The following LRRC18 variants were observed in gnomAD, a reference collection of about 807,000 sequenced individuals.
The protein encoded by LRRC18 is leucine-rich repeat-containing protein 18.
Under a neutral mutation model 11.2 loss-of-function variants are expected in LRRC18, and 12 were observed. The ratio of observed to expected loss-of-function variants is 1.07; its 90% CI spans 0.69 to 1.74. LRRC18 has a LOEUF of 1.74. LRRC18 is among the 40% of genes most tolerant of loss of function. The probability of loss-of-function intolerance (pLI) is 0.00; values close to 1 mark genes in which losing one functional copy is unlikely to be tolerated. For synonymous variants in LRRC18, 155 were observed against 130.6 expected (o/e 1.19, Z -1.27); for missense variants, 374 against 330.5 (o/e 1.13, Z -1.02).
At chr10:48,930,113 T>A in the LRRC18 span, among the ~76,000 whole-genome samples, 1 of 152,078 alleles carries the variant, frequency 6.6e-6, no homozygotes, top group East Asian at 1.9e-4. Flanking sequence ...TCAATACTAG[T>A]TTAATAGATA....
the LRRC18 span, among the ~76,000 whole-genome samples, chr10:48,935,542 T>C: frequency 6.6e-6 from 1 of 152,368 alleles, no homozygotes; most frequent in African/African-American, 2.4e-5. Context: ...TTTAATAGCA[T>C]TCATGAAACA....
At chr10:48,932,621 G>C in the LRRC18 span, 1 of 148,918 alleles carries the variant, frequency 6.7e-6, no homozygotes, top group Non-Finnish European at 1.5e-5. Flanking sequence ...TTCTCGTGAA[G>C]CTACCATGTC....
intron 1 of LRRC18, 74 bp downstream of exon 3, chr10:48,913,318 C>T: frequency 6.9e-7 from 1 of 1,439,630 alleles, no homozygotes; most frequent in Middle Eastern, 2.0e-4. Flanking sequence ...CCTTGGTTTC[C>T]TGTGGAGGTA....
exon 2 of LRRC18, chr10:48,910,015 C>T: frequency 2.4e-5 from 13 of 531,022 alleles, no homozygotes; most frequent in South Asian, 6.0e-5. Flanking sequence ...TTTTAAAAAC[C>T]ACATCAAATA....
At chr10:48,913,723 C>T in exon 1 of LRRC18, 1 of 1,613,056 alleles carries the variant, frequency 6.2e-7, no homozygotes, top group Non-Finnish European at 8.5e-7. Flanking sequence ...TCGTGGAGCT[C>T]CTTCAGGGCC....
upstream of LRRC18, among the ~76,000 whole-genome samples, chr10:48,919,144 G>A (rs548911836): frequency 1.6e-4 from 25 of 151,822 alleles, no homozygotes; most frequent in African/African-American, 6.0e-4. Flanking sequence ...TCTTTGAAAA[G>A]ATTAATGAAA....
At chr10:48,916,631 G>A (rs1467192150), upstream of LRRC18, among the ~76,000 whole-genome samples, 1 of 152,186 alleles carries the variant, frequency 6.6e-6, no homozygotes, top group Non-Finnish European at 1.5e-5. Context: ...AAAAGTCGGG[G>A]GAGAAGAGAT....
the LRRC18 span, among the ~76,000 whole-genome samples, chr10:48,919,270 C>G: frequency 6.6e-6 from 1 of 151,684 alleles, no homozygotes; most frequent in Non-Finnish European, 1.5e-5. Context: ...AATAAGAGAA[C>G]AGTACAAACA....
At chr10:48,922,836 C>T in the LRRC18 span, among the ~76,000 whole-genome samples, 1 of 152,064 alleles carries the variant, frequency 6.6e-6, no homozygotes, top group Non-Finnish European at 1.5e-5. Context: ...TCTGAAAAAG[C>T]CATAACTTTA....
At chr10:48,938,126 C>G in the LRRC18 span, among the ~76,000 whole-genome samples, 1 of 152,244 alleles carries the variant, frequency 6.6e-6, no homozygotes, top group Non-Finnish European at 1.5e-5. Context: ...TGCTTCTTAA[C>G]TCAAGAAACA....
At chr10:48,913,333 A>T in intron 1 of LRRC18, 59 bp downstream of exon 3, 1 of 1,526,204 alleles carries the variant, frequency 6.6e-7, no homozygotes, top group Non-Finnish European at 8.9e-7. Flanking sequence ...GAGGTAGCCC[A>T]CTGCCCTCTT....
At chr10:48,913,805 C>G in exon 1 of LRRC18, 1 of 1,614,084 alleles carries the variant, frequency 6.2e-7, no homozygotes, top group East Asian at 2.2e-5. Context: ...TGAGTTGCTT[C>G]AGCTCCACGG....
chr10:48,911,015 T>A, intron 1 of LRRC18: 1 of 500,518 alleles, frequency 2.0e-6, no homozygotes, highest in Non-Finnish European at 2.6e-6. Flanking sequence ...AGTCATCATG[T>A]AGCTATCCGG....
At chr10:48,935,019 G>A in the LRRC18 span, among the ~76,000 whole-genome samples, 2 of 152,196 alleles carry the variant, frequency 1.3e-5, no homozygotes, top group East Asian at 3.8e-4. Context: ...ATTAGCTGTT[G>A]CCTGGGCTTT....
exon 1 of LRRC18, chr10:48,913,814 G>A (rs756344212): frequency 9.9e-6 from 16 of 1,614,056 alleles, no homozygotes; most frequent in African/African-American, 2.7e-5. Flanking sequence ...TCAGCTCCAC[G>A]GGCAGCCCGT....
At chr10:48,934,361 A>C in the LRRC18 span, among the ~76,000 whole-genome samples, 1 of 152,184 alleles carries the variant, frequency 6.6e-6, no homozygotes, top group South Asian at 2.1e-4. Context: ...CAGACATTAC[A>C]ATTGAGTCAC....
the LRRC18 span, among the ~76,000 whole-genome samples, chr10:48,930,048 T>C: frequency 1.3e-5 from 2 of 152,130 alleles, no homozygotes; most frequent in Middle Eastern, 3.4e-3. Context: ...CCAAGACACA[T>C]GGCCTGTCTG....
At chr10:48,913,537 A>G (rs1174250661) in exon 1 of LRRC18, 1 of 1,613,922 alleles carries the variant, frequency 6.2e-7, no homozygotes, top group African/African-American at 1.3e-5. Flanking sequence ...CAAGCCGCAC[A>G]CAGATCCTTC....
chr10:48,914,769 A>T (rs913669209), upstream of LRRC18, among the ~76,000 whole-genome samples: 3 of 152,138 alleles, frequency 2.0e-5, no homozygotes, highest in African/African-American at 7.2e-5. Flanking sequence ...CTACAGTCCA[A>T]CAGTAGCCAT....
Sources: gnomAD v4.1 joint callset for allele counts (sites outside exome capture counted in the v4.1 genomes callset) on GRCh38, gnomAD v4.1.1 for gene constraint, MANE v1.5 for transcripts, NCBI Gene and HGNC (gene_info 2026-07-23, HGNC 2026-07-21) for gene names.